Variants in LHFPL2 observed in about 807,000 individuals in gnomAD.
LHFPL2 encodes LHFPL tetraspan subfamily member 2, also known as LHFPL tetraspan subfamily member 2 protein.
LHFPL2 carries 7 observed loss-of-function variants against 17.5 expected under a neutral mutation model. The ratio of observed to expected loss-of-function variants is 0.40; its 90% CI spans 0.23 to 0.75. The LOEUF is 0.75. Among genes scored for constraint, LHFPL2 ranks in the 30% least tolerant of loss-of-function variants. LHFPL2 has a pLI of 0.37. For synonymous variants in LHFPL2, 134 were observed against 116.2 expected, an observed-to-expected ratio of 1.15 and a Z score of -0.99; for missense variants, 241 against 294.8, an observed-to-expected ratio of 0.82 and a Z score of 1.34.
At chr5:78,604,880 C>T (rs1744156846) in intron 2 of LHFPL2, among the ~76,000 whole-genome samples, 1 of 152,200 alleles carries the variant, frequency 6.6e-6, no homozygotes, top group South Asian at 2.1e-4. Context: ...TAAATCCCTT[C>T]TACTTAAACC....
chr5:78,549,077 T>TCTC (rs1158034427), intron 3 of LHFPL2: 1 of 152,210 alleles, frequency 6.6e-6, no homozygotes, highest in Non-Finnish European at 1.5e-5. Flanking sequence ...TCTGCTGGTT[T>TCTC]CTCCTGGGCT....
At chr5:78,597,465 T>C (rs1743864774) in intron 2 of LHFPL2, among the ~76,000 whole-genome samples, 1 of 152,042 alleles carries the variant, frequency 6.6e-6, no homozygotes, top group African/African-American at 2.4e-5. Context: ...CAAGAAAAAA[T>C]GAAGACAAAT....
At chr5:78,567,666 T>C (rs1022348550) in intron 2 of LHFPL2, among the ~76,000 whole-genome samples, 3 of 152,200 alleles carry the variant, frequency 2.0e-5, no homozygotes, top group Admixed American at 2.0e-4. Flanking sequence ...TATCCCATTT[T>C]AAGGATGAGG....
chr5:78,556,365 C>A (rs540204258), intron 3 of LHFPL2, among the ~76,000 whole-genome samples: 1 of 152,250 alleles, frequency 6.6e-6, no homozygotes, highest in African/African-American at 2.4e-5. Context: ...CTTCAAACAA[C>A]TATTCTATTT....
intron 2 of LHFPL2, among the ~76,000 whole-genome samples, chr5:78,572,110 T>C (rs1316258360): frequency 6.6e-6 from 1 of 152,142 alleles, no homozygotes; most frequent in African/African-American, 2.4e-5. Context: ...AGGTTTGAAG[T>C]ACCTAGCTGG....
chr5:78,490,746 C>CA lies in LHFPL2; in HGVS notation c.431-1594dup, dbSNP rs370809060. Reference sequence around the variant, plus strand: ...CTGGCAAAAGAGTGAGACTCCCTCTCAAAAAAAAAAAAAAAAAAGCAAGAT... The same window carrying CA: ...CTGGCAAAAGAGTGAGACTCCCTCTCAAAAAAAAAAAAAAAAAAAGCAAGAT... On this transcript the variant is annotated intron_variant, in intron 4 of 4. Coordinates refer to ENST00000380345, the MANE Select transcript of LHFPL2 (RefSeq NM_005779.3). Among the ~76,000 whole-genome samples, 399 of 92,102 alleles carry CA rather than the reference C, an allele frequency of 4.3e-3. 14 individuals are homozygous for CA. Among genetic ancestry groups the CA allele is most frequent in the African/African-American group, 7.9e-3 (163 of 20,600 alleles). The allele number at this position is 92,102 out of a possible 152,430, so 60.4% of individuals were successfully genotyped here.
chr5:78,635,577 C>T (rs1265562318), intron 1 of LHFPL2, among the ~76,000 whole-genome samples: 5 of 152,198 alleles, frequency 3.3e-5, no homozygotes, highest in African/African-American at 9.7e-5. Context: ...CCCAGGCGGG[C>T]GGACCACGAG....
intron 4 of LHFPL2, among the ~76,000 whole-genome samples, chr5:78,507,639 C>A (rs938471161): frequency 6.6e-6 from 1 of 152,076 alleles, no homozygotes; most frequent in Non-Finnish European, 1.5e-5. Context: ...CTGGTTTGCT[C>A]GAAGGTAGTT....
Position 78,632,171 on chromosome 5 carries a change from C to G in LHFPL2, c.-245+93G>C, listed in dbSNP as rs971500076. 6 of 152,172 alleles carry G rather than the reference C, an allele frequency of 3.9e-5. No individual in the cohort carries two copies. The East Asian group carries it at 1.2e-3, about 29-fold the overall frequency. The allele number at this position is 152,172 out of a possible 1,614,324, so 9.4% of individuals were successfully genotyped here. A position where few individuals can be genotyped will look rare whatever the true frequency, so the allele number is the denominator to read the frequency against. On this transcript the variant is annotated intron_variant, in intron 2 of 4. Coordinates refer to ENST00000380345, the MANE Select transcript of LHFPL2 (RefSeq NM_005779.3). Reference sequence around the variant, plus strand: ...ATTTACACCTTTCTTAGAGAAGATGCTGCCCCACATTTAAGGATTTTCTTT... The same window carrying G: ...ATTTACACCTTTCTTAGAGAAGATGGTGCCCCACATTTAAGGATTTTCTTT...
chr5:78,577,828 C>G (rs1757170783), intron 2 of LHFPL2, among the ~76,000 whole-genome samples: 1 of 151,398 alleles, frequency 6.6e-6, no homozygotes, highest in Admixed American at 6.6e-5. Flanking sequence ...CTCCCCTAAG[C>G]AATATCATAT....
chr5:78,639,202 C>A (rs1046540037), intron 1 of LHFPL2, among the ~76,000 whole-genome samples: 1 of 152,148 alleles, frequency 6.6e-6, no homozygotes, highest in Non-Finnish European at 1.5e-5. Context: ...TTCAGTGTGG[C>A]CTCTTCACCC....
chr5:78,629,358 A>G (rs1354919298), intron 2 of LHFPL2, among the ~76,000 whole-genome samples: 1 of 152,254 alleles, frequency 6.6e-6, no homozygotes, highest in East Asian at 1.9e-4. Flanking sequence ...AAACCCCTAC[A>G]GTAGGTAAGA....
intron 2 of LHFPL2, among the ~76,000 whole-genome samples, chr5:78,590,658 A>G (rs1380433611): frequency 1.3e-5 from 2 of 152,242 alleles, no homozygotes; most frequent in East Asian, 1.9e-4. Context: ...ATAAAAGTCA[A>G]TGTACTCATG....
At chr5:78,532,758 C>T (rs774471013) in intron 3 of LHFPL2, among the ~76,000 whole-genome samples, 5 of 151,630 alleles carry the variant, frequency 3.3e-5, no homozygotes, top group Non-Finnish European at 7.4e-5. Flanking sequence ...ATCTTATTAA[C>T]CAAAACACCA....
chr5:78,632,945 G>A (rs1052210518), intron 1 of LHFPL2, among the ~76,000 whole-genome samples: 1 of 151,136 alleles, frequency 6.6e-6, no homozygotes, highest in African/African-American at 2.5e-5. Flanking sequence ...ACAGCAAGAC[G>A]GGGGGGTCCT....
chr5:78,499,065 A>C (rs1236266934), intron 4 of LHFPL2, among the ~76,000 whole-genome samples: 1 of 152,316 alleles, frequency 6.6e-6, no homozygotes, highest in East Asian at 1.9e-4. Flanking sequence ...GACCAGCTTC[A>C]CATGCCATTT....
chr5:78,516,519 C>G (rs1309095799), intron 3 of LHFPL2, among the ~76,000 whole-genome samples: 1 of 152,018 alleles, frequency 6.6e-6, no homozygotes, highest in East Asian at 1.9e-4. Context: ...TTACCTGGCC[C>G]CAAATGTCAG....
chr5:78,642,603 G>T (rs989669444), intron 1 of LHFPL2, among the ~76,000 whole-genome samples: 2 of 152,126 alleles, frequency 1.3e-5, no homozygotes, highest in African/African-American at 2.4e-5. Flanking sequence ...AACACGCCAA[G>T]CAAGAGAGGG....
intron 2 of LHFPL2, among the ~76,000 whole-genome samples, chr5:78,575,963 A>G (rs1368319143): frequency 2.6e-5 from 4 of 152,180 alleles, no homozygotes; most frequent in Admixed American, 6.5e-5. Flanking sequence ...GCCTGGTGCA[A>G]TCTTACAGGG....
Sources: allele counts gnomAD v4.1 joint callset (sites outside exome capture counted in the v4.1 genomes callset), GRCh38; gene constraint gnomAD v4.1.1; transcripts MANE v1.5; gene names NCBI Gene and HGNC (gene_info 2026-07-23, HGNC 2026-07-21).